Variants in GPRC5C observed in about 807,000 individuals in gnomAD.
GPRC5C encodes G protein-coupled receptor family C group 5 member C.
In GPRC5C, 22 loss-of-function variants were observed where a neutral mutation model predicts 31.4. The observed-to-expected ratio is 0.70, with a 90% CI of 0.50 to 1.00. GPRC5C has a LOEUF of 1.00. Among genes scored for constraint, GPRC5C ranks in the 50% least tolerant of loss-of-function variants. The probability of loss-of-function intolerance (pLI) is 0.00; values close to 1 mark genes in which losing one functional copy is unlikely to be tolerated. For synonymous variants in GPRC5C, 249 were observed against 257.5 expected (o/e 0.97, Z 0.32); for missense variants, 557 against 597.2 (o/e 0.93, Z 0.70).
chr17:74,444,443 AG>A (rs1598433093), intron 3 of GPRC5C, among the ~76,000 whole-genome samples: 1 of 152,232 alleles, frequency 6.6e-6, no homozygotes, highest in East Asian at 1.9e-4. Context: ...ATCGTTAGCC[AG>A]GGGAGGGGGA....
intron 1 of GPRC5C, chr17:74,433,661 G>C: frequency 6.6e-7 from 1 of 1,521,864 alleles, no homozygotes; most frequent in Non-Finnish European, 9.1e-7. Context: ...TGAGTGTGTG[G>C]GATGGGAGGA....
At chr17:74,433,414 T>A (rs1182672420) in intron 1 of GPRC5C, among the ~76,000 whole-genome samples, 1 of 150,488 alleles carries the variant, frequency 6.6e-6, no homozygotes, top group East Asian at 2.0e-4. Flanking sequence ...GGGATAGGGG[T>A]GGGGTGTCTA....
intron 1 of GPRC5C, 123 bp downstream of exon 1, chr17:74,432,264 TC>T: frequency 3.3e-6 from 5 of 1,500,356 alleles, no homozygotes; most frequent in Non-Finnish European, 4.5e-6. Context: ...TGATGCAGGC[TC>T]CAGCCCACCC....
rs1365264746 is a variant in GPRC5C, at chr17:74,440,253, G to A, written c.477G>A (p.Val159=). ...HGPRGWVIFT[V]ALLLTLVEVI... ...CCCGGGGCTGGGTGATCTTCACTGT[G>A]GCTCTGCTGCTGACCCTGGTAGAGG... The change falls in exon 2 of 4, where the codon GTG becomes GTA. Residue 159 remains valine, a synonymous_variant. Transcript: ENST00000392627. The surrounding 1 kb of genome is among the most constrained non-coding windows in gnomAD (Gnocchi z 4.4). 1.2e-6 allele frequency: 2 copies of A among 1,614,096 alleles called. No individual in the cohort carries two copies. The highest frequency in any genetic ancestry group is 3.3e-5 in the Admixed American group (2 of 60,014).
intron 2 of GPRC5C, chr17:74,443,595 C>G: frequency 1.5e-6 from 1 of 680,370 alleles, no homozygotes; most frequent in South Asian, 1.5e-5. Context: ...CAGTGTTGTT[C>G]ACTCCCATGC....
At chr17:74,435,091 C>A (rs1269188112) in intron 1 of GPRC5C, among the ~76,000 whole-genome samples, 1 of 151,782 alleles carries the variant, frequency 6.6e-6, no homozygotes, top group Non-Finnish European at 1.5e-5. Flanking sequence ...TGGTGGCGGG[C>A]GCCTGTAGTC....
intron 2 of GPRC5C, among the ~76,000 whole-genome samples, chr17:74,442,629 C>T (rs1437416643): frequency 6.6e-6 from 1 of 152,246 alleles, no homozygotes; most frequent in African/African-American, 2.4e-5. Context: ...GGGGTCTCTG[C>T]TGGGAGGTCA....
At chr17:74,439,704 T>C (rs2144418836) in intron 1 of GPRC5C, 41 bp from the exon 2 acceptor site, 21 of 1,552,206 alleles carry the variant, frequency 1.4e-5, no homozygotes, top group Non-Finnish European at 1.8e-5. Context: ...TGGAGTCTGA[T>C]CTTGGAGGAC....
Position 74,432,137 on chromosome 17 carries a change from T to A in GPRC5C, c.-37T>A, listed in dbSNP as rs370999533. The A allele has an allele frequency of 1.9e-6, 3 of 1,612,272 alleles. No individual in the cohort carries two copies. Among genetic ancestry groups the A allele is most frequent in the Non-Finnish European group, 2.5e-6 (3 of 1,179,406 alleles). On this transcript the variant is annotated 5_prime_UTR_variant, in exon 1 of 4. Coordinates refer to ENST00000392627, the MANE Select transcript of GPRC5C (RefSeq NM_022036.4). ...CCGGAAAGTACGAGTCGGCTCAGCC[T>A]GGAGGTGAGTCGGGGCGGGGAGGGC...
chr17:74,445,746 C>G (rs2055616763), intron 3 of GPRC5C: 1 of 152,140 alleles, frequency 6.6e-6, no homozygotes, highest in African/African-American at 2.4e-5. Flanking sequence ...CAGGAATACA[C>G]CTTTCCTCCA....
intron 1 of GPRC5C, among the ~76,000 whole-genome samples, chr17:74,435,986 T>C (rs898246409): frequency 6.6e-6 from 1 of 152,248 alleles, no homozygotes; most frequent in Non-Finnish European, 1.5e-5. Context: ...ACCTTTAAAC[T>C]GGAATGAATG....
Position 74,447,034 on chromosome 17 carries a change from C to CGGTGGCGAGGA in GPRC5C, c.*8_*18dup, listed in dbSNP as rs765184909. Reference sequence around the variant, plus strand: ...ACCCCTACGTGTGGGACTGAGTCAGCGGTGGCGAGGAGAGGCGGGCGGATT... The same window carrying CGGTGGCGAGGA: ...ACCCCTACGTGTGGGACTGAGTCAGCGGTGGCGAGGAGGTGGCGAGGAGAGGCGGGCGGATT... On this transcript the variant is annotated 3_prime_UTR_variant, in exon 4 of 4. Coordinates refer to ENST00000392627, the MANE Select transcript of GPRC5C (RefSeq NM_022036.4). 3.7e-6 allele frequency: 6 copies of CGGTGGCGAGGA among 1,604,552 alleles called. No homozygotes were observed. Among genetic ancestry groups the CGGTGGCGAGGA allele is most frequent in the Admixed American group, 1.7e-5 (1 of 59,726 alleles).
chr17:74,435,578 A>C (rs913190049), intron 1 of GPRC5C, among the ~76,000 whole-genome samples: 1 of 152,182 alleles, frequency 6.6e-6, no homozygotes, highest in Non-Finnish European at 1.5e-5. Flanking sequence ...TCATTCCTTG[A>C]AAGTTTCTAT....
Position 74,440,603 on chromosome 17 carries a change from A to G in GPRC5C, c.827A>G (p.Asp276Gly). 6.2e-7 allele frequency: 1 copy of G among 1,612,922 alleles called. No homozygotes were observed. The highest frequency in any genetic ancestry group is 8.5e-7 in the Non-Finnish European group (1 of 1,178,970). Residue 276 changes from aspartate to glycine, a missense_variant, in exon 2 of 4, where the codon GAT becomes GGT. By Grantham distance (94) the Asp-to-Gly change is moderately conservative. Transcript: ENST00000392627. The surrounding 1 kb of genome is among the most constrained non-coding windows in gnomAD (Gnocchi z 4.4). Reference protein sequence around the residue: ...GNKQHNSPTWDDPTLAIALAA... With the variant: ...GNKQHNSPTWGDPTLAIALAA... ...AAGCAGCACAACAGTCCCACCTGGG[A>G]TGACCCCACGCTGGCCATCGCCCTC...
rs984402041 is a variant in GPRC5C at position 74,432,618 on chromosome 17, T to C, written c.-33+477T>C. The C allele has an allele frequency of 2.8e-5, 19 of 683,380 alleles. No individual in the cohort carries two copies. In the African/African-American group the frequency reaches 3.8e-4, roughly 14 times the overall value. The allele number at this position is 683,380 out of a possible 1,614,324, so 42.3% of individuals were successfully genotyped here. ...GCAGAGGCGGGGGGACTGGACATCC[T>C]GCGGGCTGGGGACGCCGCGCCAACT... is the stretch of plus-strand genomic sequence containing the variant. On this transcript the variant is annotated intron_variant, in intron 1 of 3. Transcript: ENST00000392627.
chr17:74,449,395 T>G, downstream of GPRC5C: 1 of 1,257,714 alleles, frequency 8.0e-7, no homozygotes. Context: ...CTGCACGGCA[T>G]CCTGATCCTC....
chr17:74,433,453 C>T (rs1485644426), intron 1 of GPRC5C, among the ~76,000 whole-genome samples: 2 of 152,094 alleles, frequency 1.3e-5, no homozygotes, highest in East Asian at 3.9e-4. Context: ...CCCAACCCAC[C>T]CCCCACCAAC....
chr17:74,443,659 A>T, intron 2 of GPRC5C, 159 bp from the exon 3 acceptor site: 3 of 650,408 alleles, frequency 4.6e-6, no homozygotes, highest in African/African-American at 1.9e-5. Context: ...TCACAACCTC[A>T]CCCCCAAGTT....
At chr17:74,447,846 CATAGCGGACA>C (rs2144455440), downstream of GPRC5C, among the ~76,000 whole-genome samples, 1 of 152,308 alleles carries the variant, frequency 6.6e-6, no homozygotes, top group East Asian at 1.9e-4. Context: ...GTGAAGATCC[CATAGCGGACA>C]AAGTGGAGAC....
Sources: allele counts gnomAD v4.1 joint callset (sites outside exome capture counted in the v4.1 genomes callset), GRCh38; gene constraint gnomAD v4.1.1; non-coding constraint Gnocchi (gnomAD v3.1); transcripts MANE v1.5; gene names NCBI Gene and HGNC (gene_info 2026-07-23, HGNC 2026-07-21).